The following SBF2 variants were observed in gnomAD, a reference collection of about 807,000 sequenced individuals.
SBF2 encodes myotubularin-related protein 13.
A neutral mutation model predicts 225.2 loss-of-function variants in SBF2; 112 were observed. The observed-to-expected ratio is 0.50, with a 90% CI of 0.43 to 0.58. The LOEUF (loss-of-function observed/expected upper bound fraction) is 0.58. Ranked by LOEUF, SBF2 falls within the 20% of genes least tolerant of loss-of-function variation. The pLI, the probability that SBF2 is intolerant of heterozygous loss-of-function variation, is 0.00. For missense variants in SBF2, 1,996 were observed against 2,206.2 expected (o/e 0.90, Z 1.91); for synonymous variants, 763 against 773.3 (o/e 0.99, Z 0.22).
chr11:9,877,837 T>G (rs1348538206), intron 17 of SBF2, among the ~76,000 whole-genome samples: 2 of 152,200 alleles, frequency 1.3e-5, no homozygotes, highest in African/African-American at 4.8e-5. Flanking sequence ...TGCTATTGTG[T>G]ATAGTGCCAC....
chr11:9,976,175 G>C (rs1027862661), intron 13 of SBF2, among the ~76,000 whole-genome samples: 12 of 149,372 alleles, frequency 8.0e-5, no homozygotes, highest in African/African-American at 3.0e-4. Context: ...CCAGGTTCAA[G>C]CGATTCTCCT....
intron 1 of SBF2, among the ~76,000 whole-genome samples, chr11:10,219,528 T>C (rs1958262995): frequency 1.3e-5 from 2 of 152,208 alleles, no homozygotes; most frequent in African/African-American, 4.8e-5. Flanking sequence ...ATTTGGCTCC[T>C]CGTTACTTAC....
At chr11:10,294,624 AG>A (rs1964413772), upstream of SBF2, among the ~76,000 whole-genome samples, 1 of 152,260 alleles carries the variant, frequency 6.6e-6, no homozygotes, top group Non-Finnish European at 1.5e-5. Flanking sequence ...TTGCATCGAC[AG>A]GGCTTTTGCT....
intron 2 of SBF2, among the ~76,000 whole-genome samples, chr11:10,171,183 A>C (rs926697361): frequency 3.3e-5 from 5 of 152,146 alleles, no homozygotes; most frequent in Non-Finnish European, 4.4e-5. Context: ...ATGTTGAATA[A>C]CAGTGGTGAA....
At chr11:10,002,781 G>A in intron 6 of SBF2, 92 bp from the exon 7 acceptor site, 1 of 1,235,366 alleles carries the variant, frequency 8.1e-7, no homozygotes, top group Non-Finnish European at 1.2e-6. Context: ...GAAAAAGCCA[G>A]TAATTTTGGA....
chr11:9,983,900 A>G (rs985612318), intron 13 of SBF2, among the ~76,000 whole-genome samples: 5 of 152,156 alleles, frequency 3.3e-5, no homozygotes, highest in African/African-American at 1.2e-4. Context: ...CCAAGAGAAC[A>G]CTCTGTGGGA....
At chr11:10,097,983 G>A (rs747585895) in intron 2 of SBF2, among the ~76,000 whole-genome samples, 1 of 151,856 alleles carries the variant, frequency 6.6e-6, no homozygotes, top group Non-Finnish European at 1.5e-5. Flanking sequence ...AAAACAACTA[G>A]GGCACAGAAC....
Position 9,853,573 on chromosome 11 carries a change from C to T in SBF2, c.2503G>A (p.Asp835Asn). Reference sequence around the variant, plus strand: ...ATGCAATGAAGGCTCTTGATGTGATCCTGAGTAACTCCACTCTCTGTACAA... The same window carrying T: ...ATGCAATGAAGGCTCTTGATGTGATTCTGAGTAACTCCACTCTCTGTACAA... The part of the protein sequence containing the change: ...KVCTESGVTQ[D>N]HIKSLHCMIP... The change falls in exon 20 of 40, where the codon GAT becomes AAT. Residue 835 changes from aspartate to asparagine, a missense_variant. Physicochemically the swap from Asp to Asn is conservative, Grantham distance 23 (BLOSUM62 1). Transcript: ENST00000256190. 1 of 1,613,974 alleles carries T rather than the reference C, an allele frequency of 6.2e-7. No homozygotes were observed. Among genetic ancestry groups the T allele is most frequent in the Non-Finnish European group, 8.5e-7 (1 of 1,179,922 alleles).
chr11:10,233,529 G>T (rs1958940149), intron 1 of SBF2, among the ~76,000 whole-genome samples: 1 of 148,254 alleles, frequency 6.7e-6, no homozygotes, highest in Non-Finnish European at 1.5e-5. Context: ...TTAACCTCTT[G>T]GTGTATATCC....
intron 1 of SBF2, among the ~76,000 whole-genome samples, chr11:10,200,657 T>C (rs1447457453): frequency 6.6e-6 from 1 of 152,174 alleles, no homozygotes; most frequent in Non-Finnish European, 1.5e-5. Context: ...CTATGTCAGT[T>C]ACCCAGTGTA....
At chr11:9,817,225 A>G (rs559775174) in intron 28 of SBF2, among the ~76,000 whole-genome samples, 1 of 152,344 alleles carries the variant, frequency 6.6e-6, no homozygotes, top group East Asian at 1.9e-4. Flanking sequence ...ACACAATCTT[A>G]GCCTCAGAAT....
chr11:10,144,086 T>C (rs1447781388), intron 2 of SBF2, among the ~76,000 whole-genome samples: 2 of 152,234 alleles, frequency 1.3e-5, no homozygotes, highest in Non-Finnish European at 2.9e-5. Context: ...CTGATCTTGA[T>C]TTAACCTTCA....
intron 13 of SBF2, among the ~76,000 whole-genome samples, chr11:9,980,378 C>T (rs970219599): frequency 1.8e-4 from 27 of 151,658 alleles, no homozygotes; most frequent in Admixed American, 3.9e-4. Flanking sequence ...CCAAGCAATC[C>T]TCCTGCCTCG....
chr11:9,850,263 A>G, intron 21 of SBF2, 45 bp from the exon 22 acceptor site: 2 of 1,583,656 alleles, frequency 1.3e-6, no homozygotes, highest in Non-Finnish European at 1.7e-6. Context: ...TGACTAATTG[A>G]TTGATTTTTG....
rs1001410687 is a variant in SBF2, at chr11:9,824,563, A to C, written c.3793+4793T>G. Reference sequence around the variant, plus strand: ...GGTGACAGAGCGAGACTCCATCTCAAAAAAAAAAAAAAAAGAAAAAAAGAA... The same window carrying C: ...GGTGACAGAGCGAGACTCCATCTCACAAAAAAAAAAAAAAGAAAAAAAGAA... On this transcript the variant is annotated intron_variant, in intron 28 of 39. Transcript: ENST00000256190. 2.7e-5 allele frequency among the ~76,000 whole-genome samples: 4 copies of C among 146,934 alleles called. No individual in the cohort carries two copies. The Admixed American group carries it at 2.7e-4, about 10-fold the overall frequency.
At chr11:10,218,337 A>C (rs1226519563) in intron 1 of SBF2, among the ~76,000 whole-genome samples, 2 of 40,628 alleles carry the variant, frequency 4.9e-5, no homozygotes, top group Non-Finnish European at 9.2e-5. Flanking sequence ...CCCCCACCCA[A>C]TGATTCAATT....
chr11:10,169,094 C>T (rs1371206707), intron 2 of SBF2, among the ~76,000 whole-genome samples: 1 of 152,044 alleles, frequency 6.6e-6, no homozygotes, highest in Non-Finnish European at 1.5e-5. Context: ...TTATCAGGTA[C>T]ATGAAATATT....
intron 16 of SBF2, among the ~76,000 whole-genome samples, chr11:9,912,996 AG>A (rs1862768451): frequency 6.6e-6 from 1 of 152,238 alleles, no homozygotes; most frequent in African/African-American, 2.4e-5. Flanking sequence ...TTCAAAAAAG[AG>A]AAAACCGTGC....
intron 16 of SBF2, among the ~76,000 whole-genome samples, chr11:9,898,620 C>T (rs1240342308): frequency 6.6e-6 from 1 of 152,006 alleles, no homozygotes; most frequent in East Asian, 1.9e-4. Flanking sequence ...GCAGTGAACT[C>T]AGATGGTGCC....
Sources: allele counts gnomAD v4.1 joint callset (sites outside exome capture counted in the v4.1 genomes callset), GRCh38; gene constraint gnomAD v4.1.1; transcripts MANE v1.5; gene names NCBI Gene and HGNC (gene_info 2026-07-23, HGNC 2026-07-21).